Variants in FARP2 observed in about 807,000 individuals in gnomAD.
FARP2 encodes the protein FERM, ARH/RhoGEF and pleckstrin domain protein 2.
FARP2 carries 111 observed loss-of-function variants against 130.5 expected under a neutral mutation model. The observed-to-expected ratio is 0.85, with a 90% confidence interval of 0.73 to 1.00. The LOEUF is 1.00. Ranked by LOEUF, FARP2 falls within the 50% of genes least tolerant of loss-of-function variation. FARP2 has a pLI of 0.00. For synonymous variants in FARP2, 504 were observed against 516.9 expected (o/e 0.98, Z 0.34); for missense variants, 1,385 against 1,346.3 (o/e 1.03, Z -0.45).
intron 8 of FARP2, among the ~76,000 whole-genome samples, chr2:241,424,162 C>G (rs1412037999): frequency 6.6e-6 from 1 of 152,148 alleles, no homozygotes; most frequent in Non-Finnish European, 1.5e-5. Flanking sequence ...AATATAAATT[C>G]TTCTCATCAC....
At chr2:241,491,036 C>T (rs377100342) in intron 22 of FARP2, 25 bp from the exon 23 acceptor site, 2 of 1,568,548 alleles carry the variant, frequency 1.3e-6, no homozygotes. Flanking sequence ...AGCAGAGCCA[C>T]TGAGCCTTGC....
intron 21 of FARP2, among the ~76,000 whole-genome samples, chr2:241,487,489 G>A (rs996083130): frequency 3.3e-5 from 5 of 151,990 alleles, no homozygotes; most frequent in Admixed American, 1.3e-4. Context: ...CCAACAGGGC[G>A]AAACCCTGTC....
At chr2:241,450,396 G>A (rs1187007347) in intron 13 of FARP2, among the ~76,000 whole-genome samples, 3 of 151,794 alleles carry the variant, frequency 2.0e-5, no homozygotes, top group East Asian at 2.0e-4. Context: ...GGCCAGGCGC[G>A]GTGGCTCACG....
rs2065002828 is a variant in FARP2, at chr2:241,493,398, T to G, written c.3001T>G (p.Ser1001Ala). Residue 1001 changes from serine (S) to alanine (A), a missense_variant, in exon 26 of 27, where the codon TCC becomes GCC. Ser to Ala is a moderately conservative substitution (Grantham distance 99, BLOSUM62 1). Coordinates refer to ENST00000264042, the MANE Select transcript of FARP2 (RefSeq NM_014808.4). The stretch of plus-strand genomic sequence containing the variant: ...CTATGTTTTCAAGCTCCAGTTCAAA[T>G]CCCACGTCTACTTCTTCCGGGCTGA... ...KDYVFKLQFK[S>A]HVYFFRAESK... 3 of 1,613,946 alleles carry G rather than the reference T, an allele frequency of 1.9e-6. No individual in the cohort carries two copies. Among genetic ancestry groups the G allele is most frequent in the Non-Finnish European group, 2.5e-6 (3 of 1,180,016 alleles).
intron 3 of FARP2, among the ~76,000 whole-genome samples, chr2:241,404,480 A>G (rs1273565176): frequency 6.6e-6 from 1 of 152,226 alleles, no homozygotes; most frequent in Non-Finnish European, 1.5e-5. Context: ...CAAATGCAGT[A>G]GTACCAAATA....
intron 6 of FARP2, among the ~76,000 whole-genome samples, chr2:241,412,533 T>G (rs2062546970): frequency 6.6e-6 from 1 of 152,206 alleles, no homozygotes; most frequent in Non-Finnish European, 1.5e-5. Flanking sequence ...AAAAGCATAT[T>G]GCTTTAAATT....
rs1015059298 is a variant in FARP2, at chr2:241,426,323, A to G, written c.772-5356A>G. On this transcript the variant is annotated intron_variant, in intron 8 of 26. Transcript: ENST00000264042. ...CGAGGCAATTAGGATTCTCAAGGAA[A>G]TTTTGAAGAAGGAAGCTTTACTTTA... 2.5e-4 allele frequency among the ~76,000 whole-genome samples: 38 copies of G among 152,336 alleles called. 1 individual carries two copies. The highest frequency in any genetic ancestry group is 2.1e-3 in the Admixed American group (32 of 15,304).
chr2:241,439,529 C>T (rs1343040265), intron 12 of FARP2, among the ~76,000 whole-genome samples: 3 of 152,066 alleles, frequency 2.0e-5, no homozygotes, highest in Non-Finnish European at 2.9e-5. Flanking sequence ...CAGGGTTTCA[C>T]CGTGTTAGCC....
chr2:241,411,190 T>C, intron 6 of FARP2, 60 bp downstream of exon 6: 1 of 1,149,418 alleles, frequency 8.7e-7, no homozygotes, highest in East Asian at 2.5e-5. Flanking sequence ...ATACCCGCAC[T>C]CAGAACTACA....
Position 241,459,017 on chromosome 2 carries a change from C to T in FARP2, c.1587+2095C>T, listed in dbSNP as rs1023103790. On this transcript the variant is annotated intron_variant, in intron 14 of 26. Coordinates refer to ENST00000264042, the MANE Select transcript of FARP2 (RefSeq NM_014808.4). The surrounding 1 kb of genome is among the most constrained non-coding windows in gnomAD (Gnocchi z 5.3). Reference sequence around the variant, plus strand: ...TGCGTGTGGGCACCCTCAGCCCTGACGTGGTGTCTCCTGTTGCCTCTCCTC... The same window carrying T: ...TGCGTGTGGGCACCCTCAGCCCTGATGTGGTGTCTCCTGTTGCCTCTCCTC... Among the ~76,000 whole-genome samples the T allele has an allele frequency of 5.9e-5, 9 of 152,262 alleles. No homozygotes were observed. The highest frequency in any genetic ancestry group is 8.8e-5 in the Non-Finnish European group (6 of 68,044).
At chr2:241,419,423 T>C (rs868142189) in intron 8 of FARP2, among the ~76,000 whole-genome samples, 20 of 152,170 alleles carry the variant, frequency 1.3e-4, no homozygotes, top group African/African-American at 4.8e-4. Context: ...CCTAAAGAAG[T>C]TGTAAAAGCA....
chr2:241,484,413 C>A, intron 21 of FARP2, 82 bp downstream of exon 21: 1 of 1,119,150 alleles, frequency 8.9e-7, no homozygotes, highest in Non-Finnish European at 1.3e-6. Context: ...AGAGGCGAAT[C>A]CTTACCCAGC....
rs200447917 is a variant in FARP2 at position 241,434,352 on chromosome 2, C to G, written c.1031+31C>G. On this transcript the variant is annotated intron_variant, in intron 10 of 26. Coordinates refer to ENST00000264042, the MANE Select transcript of FARP2 (RefSeq NM_014808.4). ...GGCCATGCCGTGGCTTGCATGGGCC[C>G]CTCACTGGTTTGTAAAGCTGAGAAA... is the stretch of plus-strand genomic sequence containing the variant. 1.9e-4 allele frequency: 288 copies of G among 1,524,038 alleles called. 2 individuals are homozygous for G. In the South Asian group the frequency reaches 3.4e-3, roughly 18 times the overall value. 94.4% of individuals were successfully genotyped at this position (1,524,038 alleles called of 1,614,324 possible). A position where few individuals can be genotyped will look rare whatever the true frequency, so the allele number is the denominator to read the frequency against.
intron 11 of FARP2, 113 bp downstream of exon 11, chr2:241,435,143 G>A (rs2063193171): frequency 1.7e-6 from 1 of 589,060 alleles, no homozygotes; most frequent in African/African-American, 2.0e-5. Context: ...ACCTAAGCTG[G>A]AATACAGTGG....
At chr2:241,440,660 T>G (rs1315898961) in intron 12 of FARP2, among the ~76,000 whole-genome samples, 1 of 152,162 alleles carries the variant, frequency 6.6e-6, no homozygotes, top group Non-Finnish European at 1.5e-5. Context: ...ACGATACATC[T>G]CTGACAGATG....
chr2:241,406,442 G>A (rs578012721), intron 4 of FARP2, among the ~76,000 whole-genome samples: 5 of 151,594 alleles, frequency 3.3e-5, no homozygotes, highest in East Asian at 3.9e-4. Flanking sequence ...GAGAGAGCAC[G>A]CGCATGTTTT....
chr2:241,405,938 A>T (rs181058072), intron 4 of FARP2, among the ~76,000 whole-genome samples: 2 of 152,004 alleles, frequency 1.3e-5, no homozygotes, highest in African/African-American at 2.4e-5. Flanking sequence ...CATCTGAGAA[A>T]AAAAAAGTAG....
At chr2:241,388,391 T>G (rs2061836991) in intron 2 of FARP2, among the ~76,000 whole-genome samples, 1 of 152,224 alleles carries the variant, frequency 6.6e-6, no homozygotes, top group Admixed American at 6.5e-5. Context: ...AAGAATGAAT[T>G]TGGACCCCTA....
intron 2 of FARP2, among the ~76,000 whole-genome samples, chr2:241,388,216 G>A (rs948969709): frequency 1.3e-5 from 2 of 152,192 alleles, no homozygotes; most frequent in Non-Finnish European, 2.9e-5. Context: ...AATGTGGTAT[G>A]GCATAAGGAT....
Sources: gnomAD v4.1 joint callset for allele counts (sites outside exome capture counted in the v4.1 genomes callset) on GRCh38, gnomAD v4.1.1 for gene constraint, Gnocchi (gnomAD v3.1) non-coding constraint, MANE v1.5 for transcripts, NCBI Gene and HGNC (gene_info 2026-07-23, HGNC 2026-07-21) for gene names.